TSGA10: variants seen among roughly 807,000 people sequenced by gnomAD.
TSGA10 encodes the protein testis specific 10, also known as testis-specific gene 10 protein.
TSGA10 carries 43 observed loss-of-function variants against 96.6 expected under a neutral mutation model. The ratio of observed to expected loss-of-function variants is 0.44; its 90% CI spans 0.35 to 0.57. The LOEUF (loss-of-function observed/expected upper bound fraction) is 0.57, where lower values mean the gene tolerates loss of function less well. TSGA10 is among the 20% of genes least tolerant of loss of function. The pLI is 0.01. For missense variants in TSGA10, 703 were observed against 834.4 expected, an observed-to-expected ratio of 0.84 and a Z score of 1.94; for synonymous variants, 229 against 269.9, an observed-to-expected ratio of 0.85 and a Z score of 1.48.
chr2:99,035,119 T>C, intron 17 of TSGA10, 111 bp downstream of exon 17: 1 of 766,672 alleles, frequency 1.3e-6, no homozygotes, highest in Non-Finnish European at 2.0e-6. Context: ...AAAATCTAAG[T>C]TCAAAGACAT....
chr2:99,093,840 C>G (rs141736749), intron 10 of TSGA10, among the ~76,000 whole-genome samples: 1,632 of 152,140 alleles, frequency 0.011, 9 homozygotes, highest in Middle Eastern at 0.027. Flanking sequence ...AAGCAATATA[C>G]AAATTCAATG....
intron 2 of TSGA10, among the ~76,000 whole-genome samples, chr2:99,120,421 A>G (rs1478562247): frequency 1.3e-5 from 2 of 152,090 alleles, no homozygotes; most frequent in African/African-American, 4.8e-5. Context: ...GGAATTTACC[A>G]TATTTTCTTG....
intron 1 of TSGA10, among the ~76,000 whole-genome samples, chr2:99,143,755 G>A (rs1240368941): frequency 6.6e-6 from 1 of 152,136 alleles, no homozygotes; most frequent in African/African-American, 2.4e-5. Context: ...ATATGCATGA[G>A]CCACTGTGCC....
chr2:99,010,247 G>C (rs151097893), intron 20 of TSGA10, among the ~76,000 whole-genome samples: 5 of 152,230 alleles, frequency 3.3e-5, no homozygotes, highest in African/African-American at 1.2e-4. Context: ...CAGGTCTAAC[G>C]TGCAGCTCCC....
rs774866652 is a variant in TSGA10, at chr2:99,052,879, G to A, written c.1404+12060C>T. 5.9e-5 allele frequency among the ~76,000 whole-genome samples: 9 copies of A among 152,004 alleles called. 1 individual carries two copies. Among genetic ancestry groups the A allele is most frequent in the Non-Finnish European group, 1.2e-4 (8 of 67,974 alleles). On this transcript the variant is annotated intron_variant, in intron 16 of 20. Coordinates refer to ENST00000393483, the MANE Select transcript of TSGA10 (RefSeq NM_025244.4). The stretch of plus-strand genomic sequence containing the variant: ...AGCTCAGGAGTTCAGGACTAGCCTG[G>A]GCAACATGCCCATCTCTACCAAAAA...
intron 1 of TSGA10, chr2:99,150,403 CTTTTCATTCAAACAAA>C: frequency 2.5e-6 from 2 of 791,544 alleles, no homozygotes; most frequent in South Asian, 1.9e-5. Flanking sequence ...ATCACCACAG[CTTTTCATTCAAACAAA>C]CATTGCCATG....
rs1378099988 is a variant in TSGA10 at position 99,018,382 on chromosome 2, A to G, written c.1923-33T>C. On this transcript the variant is annotated intron_variant, in intron 19 of 20. Transcript: ENST00000393483. ...AAAATAGTGATGCTTTAAATTTTAT[A>G]TCCAGCAAAATTATTAAAACTATCA... is the stretch of plus-strand genomic sequence containing the variant. 3.7e-6 allele frequency: 6 copies of G among 1,603,710 alleles called. No individual in the cohort carries two copies. In the Admixed American group the frequency reaches 6.9e-5, roughly 18 times the overall value.
At chr2:99,150,845 AC>A (rs2093686840) in intron 1 of TSGA10, 5 of 1,549,226 alleles carry the variant, frequency 3.2e-6, no homozygotes, top group Non-Finnish European at 4.4e-6. Flanking sequence ...AGCAATTTGT[AC>A]GTATTACCAA....
chr2:99,039,883 C>T (rs547025073), intron 16 of TSGA10, among the ~76,000 whole-genome samples: 43 of 152,274 alleles, frequency 2.8e-4, no homozygotes, highest in African/African-American at 9.9e-4. Flanking sequence ...AAAATACTAG[C>T]TAGCCGAATC....
intron 20 of TSGA10, among the ~76,000 whole-genome samples, chr2:99,006,380 T>G (rs1320959596): frequency 6.6e-6 from 1 of 152,164 alleles, no homozygotes; most frequent in African/African-American, 2.4e-5. Context: ...GAGAATATTT[T>G]TGCAATCTAC....
intron 17 of TSGA10, among the ~76,000 whole-genome samples, chr2:99,031,793 C>G (rs979264520): frequency 6.6e-6 from 1 of 152,172 alleles, no homozygotes; most frequent in Non-Finnish European, 1.5e-5. Context: ...TCTGCAGCAG[C>G]ATTAGATTCT....
At chr2:99,041,911 G>A (rs1223926409) in intron 16 of TSGA10, among the ~76,000 whole-genome samples, 1 of 152,038 alleles carries the variant, frequency 6.6e-6, no homozygotes, top group Non-Finnish European at 1.5e-5. Context: ...GAAAATCTTT[G>A]CAAATGACGC....
Position 99,018,231 on chromosome 2 carries a change from G to T in TSGA10, c.2041C>A (p.Pro681Thr). 1 of 1,613,914 alleles carries T rather than the reference G, an allele frequency of 6.2e-7. No individual in the cohort carries two copies. The highest frequency in any genetic ancestry group is 1.1e-5 in the South Asian group (1 of 91,064). Reference protein sequence around the residue: ...HSPERAHHRSPDRGLDRSLEE... With the variant: ...HSPERAHHRSTDRGLDRSLEE... ...AATGATCGATCTAGGCCTCGGTCAG[G>T]AGATCGATGGTGAGCACGTTCTGGT... is the stretch of plus-strand genomic sequence containing the variant. Residue 681 changes from proline (P) to threonine (T), a missense_variant, in exon 20 of 21, where the codon CCT (proline) becomes ACT (threonine). Coordinates refer to ENST00000393483, the MANE Select transcript of TSGA10 (RefSeq NM_025244.4).
chr2:99,093,551 G>C (rs1439153838), intron 10 of TSGA10, among the ~76,000 whole-genome samples: 2 of 147,636 alleles, frequency 1.4e-5, no homozygotes, highest in African/African-American at 2.5e-5. Context: ...ATTCAGAAAA[G>C]TTTCAGGATA....
chr2:99,115,090 G>A (rs1251768969), intron 4 of TSGA10, among the ~76,000 whole-genome samples: 1 of 152,026 alleles, frequency 6.6e-6, no homozygotes, highest in Non-Finnish European at 1.5e-5. Context: ...ATGGCAACAC[G>A]CCCAGCTATT....
intron 17 of TSGA10, among the ~76,000 whole-genome samples, chr2:99,024,278 T>TG (rs1409433480): frequency 6.6e-6 from 1 of 151,814 alleles, no homozygotes; most frequent in Non-Finnish European, 1.5e-5. Flanking sequence ...TTAGTAGAGA[T>TG]GGGGTTTCAC....
intron 16 of TSGA10, among the ~76,000 whole-genome samples, chr2:99,056,730 GGCCA>G (rs2084030764): frequency 6.6e-6 from 1 of 150,708 alleles, no homozygotes; most frequent in Non-Finnish European, 1.5e-5. Flanking sequence ...CATTCTATGA[GGCCA>G]GTCTCACTCT....
chr2:99,119,164 A>AT (rs2092442477), intron 2 of TSGA10, among the ~76,000 whole-genome samples: 1 of 152,216 alleles, frequency 6.6e-6, no homozygotes, highest in Non-Finnish European at 1.5e-5. Context: ...AAAAAACTTT[A>AT]TAAGTTGTCA....
At chr2:99,059,047 A>AT (rs1558876388) in intron 16 of TSGA10, among the ~76,000 whole-genome samples, 5 of 109,306 alleles carry the variant, frequency 4.6e-5, no homozygotes, top group African/African-American at 2.4e-4. Context: ...AAAAAAAAAA[A>AT]TAATATATAT....
Sources: allele counts gnomAD v4.1 joint callset (sites outside exome capture counted in the v4.1 genomes callset), GRCh38; gene constraint gnomAD v4.1.1; transcripts MANE v1.5; gene names NCBI Gene and HGNC (gene_info 2026-07-23, HGNC 2026-07-21).